Variants in C1QL1 observed in about 807,000 individuals in gnomAD.
C1QL1 encodes the protein complement C1q like 1.
A neutral mutation model predicts 14.2 loss-of-function variants in C1QL1; 15 were observed. The observed-to-expected ratio is 1.06, with a 90% confidence interval of 0.71 to 1.62. The LOEUF is 1.62. Ranked by LOEUF, C1QL1 falls within the 40% of genes most tolerant of loss-of-function variation. C1QL1 has a pLI of 0.00. For missense variants in C1QL1, 346 were observed against 380.3 expected, an observed-to-expected ratio of 0.91 and a Z score of 0.75; for synonymous variants, 172 against 172.4, an observed-to-expected ratio of 1.00 and a Z score of 0.02.
Position 44,960,325 on chromosome 17 carries a change from C to G in C1QL1, c.640G>C (p.Asp214His). Reference sequence around the variant, plus strand: ...AGGATCACGCTGTTGCTGGCGTAGTCGTAGTTCTGGTCCGCGTCCTGGGCA... The same window carrying G: ...AGGATCACGCTGTTGCTGGCGTAGTGGTAGTTCTGGTCCGCGTCCTGGGCA... ...AIAQDADQNY[D>H]YASNSVILHL... The change falls in exon 2 of 2, where the codon GAC (aspartate) becomes CAC (histidine). Residue 214 changes from aspartate (D) to histidine (H), a missense_variant. By Grantham distance (81) the Asp-to-His change is moderately conservative (BLOSUM62 -1). Coordinates refer to ENST00000253407, the MANE Select transcript of C1QL1 (RefSeq NM_006688.5). 6.2e-7 allele frequency: 1 copy of G among 1,614,010 alleles called. No individual in the cohort carries two copies. The highest frequency in any genetic ancestry group is 2.2e-5 in the East Asian group (1 of 44,860).
Position 44,967,599 on chromosome 17 carries a change from G to T in C1QL1, c.450C>A (p.Asp150Glu), listed in dbSNP as rs1470439824. 6.2e-7 allele frequency: 1 copy of T among 1,614,100 alleles called. No individual in the cohort carries two copies. ...AGTTGTTGCCTAGGTTGGTGACCAC[G>T]TCGTCAAACTTGAGTACCTCGTAAC... The part of the protein sequence containing the change: ...HEGYEVLKFD[D>E]VVTNLGNNYD... Residue 150 changes from aspartate to glutamate, a missense_variant, in exon 1 of 2, where the codon GAC (aspartate) becomes GAA (glutamate). Asp to Glu is a conservative substitution (Grantham distance 45). Coordinates refer to ENST00000253407, the MANE Select transcript of C1QL1 (RefSeq NM_006688.5). The surrounding 1 kb of genome is among the most constrained non-coding windows in gnomAD (Gnocchi z 7.0).
At chr17:44,962,012 G>C (rs557788936) in intron 1 of C1QL1, among the ~76,000 whole-genome samples, 1 of 152,044 alleles carries the variant, frequency 6.6e-6, no homozygotes, top group South Asian at 2.1e-4. Flanking sequence ...TTTGAGGATC[G>C]GGGCCTCTCC....
At position 44,968,053 on chromosome 17, in the gene C1QL1, A is replaced by G; in HGVS notation, c.-5T>C. ...CACCACCAGCACCAGCAGCATCACC[A>G]CACCCGCGGCGGCCGCTAGCAGCGT... On this transcript the variant is annotated 5_prime_UTR_variant, in exon 1 of 2. Transcript: ENST00000253407. 2 of 1,308,888 alleles carry G rather than the reference A, an allele frequency of 1.5e-6. No individual in the cohort carries two copies. Among genetic ancestry groups the G allele is most frequent in the Non-Finnish European group, 1.9e-6 (2 of 1,028,186 alleles). 81.1% of individuals were successfully genotyped at this position (1,308,888 alleles called of 1,614,324 possible). A position where few individuals can be genotyped will look rare whatever the true frequency, so the allele number is the denominator to read the frequency against.
Position 44,967,831 on chromosome 17 carries a change from C to T in C1QL1, c.218G>A (p.Gly73Asp), listed in dbSNP as rs1188358685. ...CGGAGGGCCGGGCTTGCCGGTGCGG[C>T]CCGGCTTCCCCTGGGGGCCCTGCAC... is the stretch of plus-strand genomic sequence containing the variant. The part of the protein sequence containing the change: ...TLVQGPQGKP[G>D]RTGKPGPPGP... The change falls in exon 1 of 2, where the codon GGC (glycine) becomes GAC (aspartate). Residue 73 changes from glycine (G) to aspartate (D), a missense_variant. Gly to Asp is a moderately conservative substitution (Grantham distance 94). Transcript: ENST00000253407. This position sits in a 1 kb window ranked among gnomAD's most constrained non-coding sequence, Gnocchi z 7.0. 7.2e-7 allele frequency: 1 copy of T among 1,386,320 alleles called. No homozygotes were observed. The highest frequency in any genetic ancestry group is 3.0e-5 in the East Asian group (1 of 33,698). 85.9% of individuals were successfully genotyped at this position (1,386,320 alleles called of 1,614,324 possible).
chr17:44,961,077 GCTC>G (rs927728845), intron 1 of C1QL1, among the ~76,000 whole-genome samples: 1 of 152,244 alleles, frequency 6.6e-6, no homozygotes, highest in African/African-American at 2.4e-5. Flanking sequence ...GAGGATTGTA[GCTC>G]CTCCTGTCTC....
At chr17:44,963,766 C>T (rs2052641011) in intron 1 of C1QL1, among the ~76,000 whole-genome samples, 1 of 152,050 alleles carries the variant, frequency 6.6e-6, no homozygotes. Context: ...TTATATATGC[C>T]AGCACCTCTC....
At chr17:44,960,761 C>T (rs893722415) in intron 1 of C1QL1, among the ~76,000 whole-genome samples, 2 of 152,214 alleles carry the variant, frequency 1.3e-5, no homozygotes, top group African/African-American at 4.8e-5. Flanking sequence ...CTCATCATTC[C>T]TTCCTCTCTG....
chr17:44,968,070 T>C lies in C1QL1; in HGVS notation c.-22A>G, dbSNP rs2143031226. On this transcript the variant is annotated 5_prime_UTR_variant, in exon 1 of 2. Transcript: ENST00000253407. ...GCATCACCACACCCGCGGCGGCCGC[T>C]AGCAGCGTCTTTCGGCCCGCGCGGA... 1 of 1,261,260 alleles carries C rather than the reference T, an allele frequency of 7.9e-7. No homozygotes were observed. Among genetic ancestry groups the C allele is most frequent in the Non-Finnish European group, 1.0e-6 (1 of 995,990 alleles). 78.1% of individuals were successfully genotyped at this position (1,261,260 alleles called of 1,614,324 possible). A position where few individuals can be genotyped will look rare whatever the true frequency, so the allele number is the denominator to read the frequency against.
intron 1 of C1QL1, among the ~76,000 whole-genome samples, chr17:44,963,957 C>G (rs1405952459): frequency 6.6e-6 from 1 of 152,212 alleles, no homozygotes; most frequent in Non-Finnish European, 1.5e-5. Context: ...ATCTTGGAGG[C>G]AGCTGCAGGC....
chr17:44,967,848 G>T lies in C1QL1; in HGVS notation c.201C>A (p.Gly67=). 1 of 1,354,578 alleles carries T rather than the reference G, an allele frequency of 7.4e-7. No individual in the cohort carries two copies. The highest frequency in any genetic ancestry group is 9.4e-7 in the Non-Finnish European group (1 of 1,064,008). The allele number at this position is 1,354,578 out of a possible 1,614,324, so 83.9% of individuals were successfully genotyped here. The change falls in exon 1 of 2, where the codon GGC becomes GGA. Residue 67 remains glycine (G), a synonymous_variant. Coordinates refer to ENST00000253407, the MANE Select transcript of C1QL1 (RefSeq NM_006688.5). This position sits in a 1 kb window ranked among gnomAD's most constrained non-coding sequence, Gnocchi z 7.0. ...GAPPPSTLVQ[G]PQGKPGRTGK... ...CGGTGCGGCCCGGCTTCCCCTGGGG[G>T]CCCTGCACCAGCGTGGAAGGCGGGG...
At chr17:44,961,892 C>CAA (rs1216209496) in intron 1 of C1QL1, among the ~76,000 whole-genome samples, 81 of 58,972 alleles carry the variant, frequency 1.4e-3, no homozygotes, top group African/African-American at 3.5e-3. Context: ...GACTCCGTCT[C>CAA]AAAAAAAAAA....
At chr17:44,966,807 C>T (rs2052659772) in intron 1 of C1QL1, among the ~76,000 whole-genome samples, 1 of 144,904 alleles carries the variant, frequency 6.9e-6, no homozygotes, top group Non-Finnish European at 1.5e-5. Flanking sequence ...AACTCCCCCG[C>T]CCCCCAGACT....
At chr17:44,960,504 C>G in intron 1 of C1QL1, 137 bp from the exon 2 acceptor site, 2 of 637,442 alleles carry the variant, frequency 3.1e-6, no homozygotes, top group Non-Finnish European at 5.6e-6. Flanking sequence ...TGCCACGCTC[C>G]CCCTCCCCCG....
chr17:44,962,306 A>T (rs2052632802), intron 1 of C1QL1, among the ~76,000 whole-genome samples: 1 of 152,218 alleles, frequency 6.6e-6, no homozygotes, highest in South Asian at 2.1e-4. Flanking sequence ...TGCTGCAATG[A>T]AGAGGACCCG....
chr17:44,962,012 G>T (rs557788936), intron 1 of C1QL1, among the ~76,000 whole-genome samples: 2 of 152,044 alleles, frequency 1.3e-5, no homozygotes, highest in Non-Finnish European at 2.9e-5. Flanking sequence ...TTTGAGGATC[G>T]GGGCCTCTCC....
At chr17:44,964,716 A>T (rs537740800) in intron 1 of C1QL1, among the ~76,000 whole-genome samples, 1 of 152,364 alleles carries the variant, frequency 6.6e-6, no homozygotes, top group East Asian at 1.9e-4. Flanking sequence ...AACAAGTGGG[A>T]TGGCTAGTGA....
intron 1 of C1QL1, among the ~76,000 whole-genome samples, chr17:44,965,149 A>G (rs1219593578): frequency 6.6e-6 from 1 of 152,014 alleles, no homozygotes; most frequent in Non-Finnish European, 1.5e-5. Context: ...AGTAGCTGGG[A>G]CTACAGGTGC....
chr17:44,960,401 G>A (rs1259944435), intron 1 of C1QL1, 34 bp from the exon 2 acceptor site: 2 of 1,528,902 alleles, frequency 1.3e-6, no homozygotes, highest in African/African-American at 2.7e-5. Flanking sequence ...GAGGGCGAGA[G>A]GAGAGAGAGG....
At chr17:44,962,082 T>C (rs944394780) in intron 1 of C1QL1, among the ~76,000 whole-genome samples, 1 of 152,010 alleles carries the variant, frequency 6.6e-6, no homozygotes, top group Non-Finnish European at 1.5e-5. Context: ...TGGCTTGTGG[T>C]GTGGGGAGGC....
Sources: gnomAD v4.1 joint callset for allele counts (sites outside exome capture counted in the v4.1 genomes callset) on GRCh38, gnomAD v4.1.1 for gene constraint, Gnocchi (gnomAD v3.1) non-coding constraint, MANE v1.5 for transcripts, NCBI Gene and HGNC (gene_info 2026-07-23, HGNC 2026-07-21) for gene names.